Variants in RSRC1 observed in about 807,000 individuals in gnomAD.
RSRC1 encodes the protein serine/Arginine-related protein 53.
RSRC1 carries 39 observed loss-of-function variants against 49.1 expected under a neutral mutation model. That is an observed-to-expected ratio of 0.79 (90% CI 0.61 to 1.04). RSRC1 has a LOEUF of 1.04. Ranked by LOEUF, RSRC1 falls within the 50% of genes least tolerant of loss-of-function variation. The pLI is 0.00. For synonymous variants in RSRC1, 143 were observed against 130.8 expected (o/e 1.09, Z -0.63); for missense variants, 388 against 402.4 (o/e 0.96, Z 0.31).
intron 3 of RSRC1, among the ~76,000 whole-genome samples, chr3:158,143,529 G>T (rs776570544): frequency 8.6e-5 from 13 of 152,026 alleles, no homozygotes; most frequent in Non-Finnish European, 1.5e-4. Context: ...TTACTCAATT[G>T]TTTAAATTCT....
At chr3:158,118,462 T>TGTGTGCGTGTGTGTGC (rs1491469875) in intron 1 of RSRC1, among the ~76,000 whole-genome samples, 1 of 124,716 alleles carries the variant, frequency 8.0e-6, no homozygotes, top group East Asian at 2.6e-4. Flanking sequence ...TGTGTGTGTG[T>TGTGTGCGTGTGTGTGC]GCGCGTGCGC....
At chr3:158,184,566 TA>T (rs1308409809) in intron 3 of RSRC1, among the ~76,000 whole-genome samples, 1 of 152,172 alleles carries the variant, frequency 6.6e-6, no homozygotes, top group Non-Finnish European at 1.5e-5. Flanking sequence ...ATAAACAATT[TA>T]GAACTTGTTC....
At chr3:158,318,854 G>A (rs1728607030) in intron 5 of RSRC1, among the ~76,000 whole-genome samples, 2 of 152,154 alleles carry the variant, frequency 1.3e-5, no homozygotes, top group African/African-American at 4.8e-5. Context: ...GAAGATTATA[G>A]TGAAAGTAAC....
intron 7 of RSRC1, among the ~76,000 whole-genome samples, chr3:158,491,696 A>G (rs9812307): frequency 0.21 from 31,185 of 152,100 alleles, 3,765 homozygotes; most frequent in African/African-American, 0.34. Context: ...TTGATTATCA[A>G]ATTATATGCT....
At chr3:158,225,607 A>G in intron 4 of RSRC1, 1 of 407,546 alleles carries the variant, frequency 2.5e-6, no homozygotes, top group Non-Finnish European at 4.8e-6. Context: ...GACGGATTAA[A>G]GTAGAAGCAT....
At chr3:158,240,977 T>C (rs1377845690) in intron 4 of RSRC1, among the ~76,000 whole-genome samples, 1 of 152,228 alleles carries the variant, frequency 6.6e-6, no homozygotes, top group Non-Finnish European at 1.5e-5. Context: ...AATTGTTCTA[T>C]TTTCTTATTA....
intron 7 of RSRC1, among the ~76,000 whole-genome samples, chr3:158,516,102 A>G (rs1576600451): frequency 6.6e-6 from 1 of 152,306 alleles, no homozygotes; most frequent in African/African-American, 2.4e-5. Context: ...TCAGCTCGTC[A>G]AAGTCATTCT....
chr3:158,228,957 C>CACATACGTGTATATGTGTGTATAA (rs1722705140), intron 4 of RSRC1, among the ~76,000 whole-genome samples: 3 of 93,198 alleles, frequency 3.2e-5, no homozygotes, highest in Non-Finnish European at 6.2e-5. Flanking sequence ...TGTGTATAAA[C>CACATACGTGTATATGTGTGTATAA]ACACATACGT....
chr3:158,336,517 T>G (rs1729899613), intron 5 of RSRC1: 1 of 156,374 alleles, frequency 6.4e-6, no homozygotes, highest in Admixed American at 6.5e-5. Context: ...TCCCTGCCCA[T>G]GTGGAGGTGA....
At chr3:158,390,310 T>C (rs2108293131) in intron 6 of RSRC1, among the ~76,000 whole-genome samples, 1 of 152,314 alleles carries the variant, frequency 6.6e-6, no homozygotes, top group South Asian at 2.1e-4. Flanking sequence ...AGTCTAGGTT[T>C]ACCTTGCAAC....
At chr3:158,441,697 TAGA>T (rs370222691) in intron 6 of RSRC1, among the ~76,000 whole-genome samples, 10 of 152,218 alleles carry the variant, frequency 6.6e-5, no homozygotes, top group African/African-American at 1.2e-4. Context: ...AGCAATACAG[TAGA>T]AGAATTATAA....
In RSRC1 at chr3:158,146,207, A is replaced by G. The variant is rs191519528; in HGVS notation, c.320+22216A>G. On this transcript the variant is annotated intron_variant, in intron 3 of 9. Transcript: ENST00000611884. ...AGAGAGGGCCTCCCTGTCTTGTGCC[A>G]GTTTTCAAAGGGAATGCTTCCAGTT... Among the ~76,000 whole-genome samples the G allele has an allele frequency of 8.9e-3, 1,355 of 152,262 alleles. 14 individuals carry two copies. Among genetic ancestry groups the G allele is most frequent in the African/African-American group, 0.031 (1,283 of 41,546 alleles).
At chr3:158,273,281 G>A (rs1010560048) in intron 4 of RSRC1, among the ~76,000 whole-genome samples, 1 of 151,952 alleles carries the variant, frequency 6.6e-6, no homozygotes, top group African/African-American at 2.4e-5. Flanking sequence ...AATGTTCAAG[G>A]TAGTAAACAT....
At chr3:158,347,085 A>G (rs1730595920) in intron 5 of RSRC1, among the ~76,000 whole-genome samples, 2 of 152,232 alleles carry the variant, frequency 1.3e-5, no homozygotes, top group Admixed American at 6.5e-5. Context: ...TAGGAAAAAT[A>G]GGAGTAACAC....
At chr3:158,183,624 G>A (rs1719759019) in intron 3 of RSRC1, among the ~76,000 whole-genome samples, 1 of 152,070 alleles carries the variant, frequency 6.6e-6, no homozygotes, top group Non-Finnish European at 1.5e-5. Flanking sequence ...TGAGCCTAAA[G>A]ATTCCTTTTC....
At chr3:158,199,021 C>T (rs1023989067) in intron 3 of RSRC1, among the ~76,000 whole-genome samples, 5 of 152,128 alleles carry the variant, frequency 3.3e-5, no homozygotes, top group Admixed American at 2.0e-4. Flanking sequence ...CCATAATTTC[C>T]ACGTGTGGTG....
intron 3 of RSRC1, among the ~76,000 whole-genome samples, chr3:158,155,879 A>G (rs1176535187): frequency 6.6e-6 from 1 of 152,208 alleles, no homozygotes; most frequent in African/African-American, 2.4e-5. Context: ...GGCAGAGTAG[A>G]TTTAGCATAA....
intron 5 of RSRC1, among the ~76,000 whole-genome samples, chr3:158,352,331 A>G (rs1428860030): frequency 2.0e-5 from 3 of 152,176 alleles, no homozygotes; most frequent in East Asian, 1.9e-4. Context: ...CTTCAAGATA[A>G]TGGTTATAGA....
intron 4 of RSRC1, among the ~76,000 whole-genome samples, chr3:158,270,118 G>A (rs1311773006): frequency 2.6e-5 from 4 of 152,024 alleles, no homozygotes; most frequent in South Asian, 2.1e-4. Context: ...TGTGACTCTC[G>A]GTAAAGCTTT....
Sources: allele counts gnomAD v4.1 joint callset (sites outside exome capture counted in the v4.1 genomes callset), GRCh38; gene constraint gnomAD v4.1.1; transcripts MANE v1.5; gene names NCBI Gene and HGNC (gene_info 2026-07-23, HGNC 2026-07-21).